The following LRP1B variants were observed in gnomAD, a reference collection of about 807,000 sequenced individuals.
LRP1B encodes the protein low-density lipoprotein receptor-related protein 1B.
In LRP1B, 217 loss-of-function variants were observed where a neutral mutation model predicts 556.6. The observed-to-expected ratio is 0.39, with a 90% CI of 0.35 to 0.44. The LOEUF is 0.44. Among genes scored for constraint, LRP1B ranks in the 20% least tolerant of loss-of-function variants. LRP1B has a pLI of 1.00. For missense variants in LRP1B, 5,053 were observed against 5,620.8 expected (o/e 0.90, Z 3.23); for synonymous variants, 2,047 against 1,865.8 (o/e 1.10, Z -2.50).
intron 1 of LRP1B, among the ~76,000 whole-genome samples, chr2:141,826,454 G>A (rs1186368154): frequency 6.7e-6 from 1 of 149,948 alleles, no homozygotes; most frequent in African/African-American, 2.5e-5. Context: ...CCGCCTCCTG[G>A]GTTCACGCCA....
At chr2:141,655,650 G>C (rs1214649920) in intron 2 of LRP1B, among the ~76,000 whole-genome samples, 1 of 152,042 alleles carries the variant, frequency 6.6e-6, no homozygotes, top group African/African-American at 2.4e-5. Flanking sequence ...TATTCTGCTT[G>C]AATATAGCAA....
At chr2:141,270,313 G>A (rs887587323) in intron 3 of LRP1B, among the ~76,000 whole-genome samples, 1 of 152,114 alleles carries the variant, frequency 6.6e-6, no homozygotes, top group Admixed American at 6.5e-5. Context: ...CAGTTTTGGT[G>A]ATGATGTGGA....
Position 140,451,426 on chromosome 2 carries a change from A to T in LRP1B, c.9964-765T>A, listed in dbSNP as rs1015090437. Among the ~76,000 whole-genome samples the T allele has an allele frequency of 7.9e-5, 12 of 152,342 alleles. 1 individual carries two copies. The highest frequency in any genetic ancestry group is 2.6e-4 in the African/African-American group (11 of 41,582). ...ATATCCAGTTGAACTAATTTAGGTA[A>T]TTTGAATTAATTTAATTTAATTGCA... On this transcript the variant is annotated intron_variant, in intron 62 of 90. Transcript: ENST00000389484.
At chr2:141,392,883 C>A (rs975393208) in intron 3 of LRP1B, among the ~76,000 whole-genome samples, 1 of 152,170 alleles carries the variant, frequency 6.6e-6, no homozygotes, top group Non-Finnish European at 1.5e-5. Context: ...AAATCCCAAA[C>A]GTTCTCCACA....
At chr2:141,108,828 T>C (rs1205227221) in intron 7 of LRP1B, among the ~76,000 whole-genome samples, 1 of 152,188 alleles carries the variant, frequency 6.6e-6, no homozygotes, top group African/African-American at 2.4e-5. Flanking sequence ...GAAAGGTATG[T>C]GGGCCAAGCT....
At chr2:140,775,957 G>T in intron 33 of LRP1B, 141 bp downstream of exon 33, 2 of 654,854 alleles carry the variant, frequency 3.1e-6, no homozygotes, top group South Asian at 2.2e-5. Flanking sequence ...TTCTCCTACA[G>T]TAGTAAGCAA....
At chr2:140,375,162 A>G (rs1392326236) in intron 68 of LRP1B, among the ~76,000 whole-genome samples, 1 of 141,122 alleles carries the variant, frequency 7.1e-6, no homozygotes, top group Non-Finnish European at 1.5e-5. Context: ...ATTGATTTTT[A>G]TACTGTGTGT....
chr2:140,548,032 C>G (rs999980989), intron 43 of LRP1B, among the ~76,000 whole-genome samples: 2 of 149,980 alleles, frequency 1.3e-5, no homozygotes, highest in Non-Finnish European at 3.0e-5. Flanking sequence ...AAATATTTAG[C>G]AAAATAAACA....
At chr2:141,293,077 T>C (rs1686040332) in intron 3 of LRP1B, among the ~76,000 whole-genome samples, 1 of 152,168 alleles carries the variant, frequency 6.6e-6, no homozygotes, top group Admixed American at 6.5e-5. Context: ...AAAATTTAAG[T>C]CTACTTTTTT....
At chr2:141,627,187 C>T (rs1182202354) in intron 2 of LRP1B, among the ~76,000 whole-genome samples, 2 of 152,120 alleles carry the variant, frequency 1.3e-5, no homozygotes, top group Non-Finnish European at 2.9e-5. Flanking sequence ...ATGGGGGAAG[C>T]AAATCTGAAA....
At chr2:141,467,085 C>T (rs1332809227) in intron 3 of LRP1B, among the ~76,000 whole-genome samples, 1 of 100,484 alleles carries the variant, frequency 1.0e-5, no homozygotes, top group Admixed American at 1.2e-4. Flanking sequence ...TATACACACA[C>T]ACACACATAT....
chr2:141,942,149 A>C (rs1700825977), intron 1 of LRP1B, among the ~76,000 whole-genome samples: 1 of 152,102 alleles, frequency 6.6e-6, no homozygotes, highest in African/African-American at 2.4e-5. Context: ...AAATATACAG[A>C]TTGGTGTGCT....
chr2:141,759,593 A>G (rs1165977970), intron 2 of LRP1B, among the ~76,000 whole-genome samples: 1 of 152,228 alleles, frequency 6.6e-6, no homozygotes, highest in African/African-American at 2.4e-5. Flanking sequence ...AGAGCCTAAC[A>G]TGTTATACGC....
At chr2:140,969,490 T>C (rs1696340965) in intron 18 of LRP1B, among the ~76,000 whole-genome samples, 1 of 152,090 alleles carries the variant, frequency 6.6e-6, no homozygotes, top group African/African-American at 2.4e-5. Context: ...TTTGCCAGTC[T>C]GTGTCTTTAA....
chr2:140,378,318 T>G (rs1331162543), intron 67 of LRP1B, 32 bp from the exon 68 acceptor site: 1 of 1,188,670 alleles, frequency 8.4e-7, no homozygotes, highest in Non-Finnish European at 1.2e-6. Flanking sequence ...AGGGTTATTC[T>G]ATTATATGTA....
intron 47 of LRP1B, among the ~76,000 whole-genome samples, chr2:140,529,003 G>A (rs1465120465): frequency 1.3e-5 from 2 of 151,876 alleles, no homozygotes; most frequent in Admixed American, 1.3e-4. Flanking sequence ...TATTTCCTCG[G>A]GCTAAGAGTC....
At chr2:141,718,358 A>G (rs1186633828) in intron 2 of LRP1B, among the ~76,000 whole-genome samples, 1 of 152,126 alleles carries the variant, frequency 6.6e-6, no homozygotes, top group Non-Finnish European at 1.5e-5. Flanking sequence ...AAGATCCTCA[A>G]TCTAATGTGC....
intron 1 of LRP1B, among the ~76,000 whole-genome samples, chr2:142,082,647 G>T (rs1356433281): frequency 6.6e-6 from 1 of 152,164 alleles, no homozygotes; most frequent in Non-Finnish European, 1.5e-5. Context: ...TGAGCATCAG[G>T]CCTGTGACAC....
chr2:141,052,877 A>T (rs1645324867), intron 10 of LRP1B, among the ~76,000 whole-genome samples: 1 of 151,888 alleles, frequency 6.6e-6, no homozygotes, highest in Non-Finnish European at 1.5e-5. Flanking sequence ...GGCTCAAGTG[A>T]TCCACCTGCC....
Sources: allele counts gnomAD v4.1 joint callset (sites outside exome capture counted in the v4.1 genomes callset), GRCh38; gene constraint gnomAD v4.1.1; transcripts MANE v1.5; gene names NCBI Gene and HGNC (gene_info 2026-07-23, HGNC 2026-07-21).